ARPP21: variants seen among roughly 807,000 people sequenced by gnomAD.
ARPP21 encodes cAMP regulated phosphoprotein 21.
A neutral mutation model predicts 113.2 loss-of-function variants in ARPP21; 69 were observed. The ratio of observed to expected loss-of-function variants is 0.61; its 90% CI spans 0.50 to 0.74. The LOEUF (loss-of-function observed/expected upper bound fraction) is 0.74, where lower values mean the gene tolerates loss of function less well. Ranked by LOEUF, ARPP21 falls within the 30% of genes least tolerant of loss-of-function variation. The probability of loss-of-function intolerance (pLI) is 0.00; values close to 1 mark genes in which losing one functional copy is unlikely to be tolerated. For missense variants in ARPP21, 1,070 were observed against 1,037.4 expected (o/e 1.03, Z -0.43); for synonymous variants, 368 against 375.5 (o/e 0.98, Z 0.23).
chr3:35,683,699 C>T, intron 4 of ARPP21, 27 bp from the exon 5 acceptor site: 1 of 860,414 alleles, frequency 1.2e-6, no homozygotes, highest in African/African-American at 1.6e-5. Context: ...ATTTTCCTTT[C>T]CTTCCCTTTT....
chr3:35,683,388 T>C (rs1277755661), intron 4 of ARPP21, among the ~76,000 whole-genome samples: 1 of 151,810 alleles, frequency 6.6e-6, no homozygotes, highest in Non-Finnish European at 1.5e-5. Context: ...GCAAACTTAG[T>C]TTTAGTAAAA....
intron 14 of ARPP21, among the ~76,000 whole-genome samples, chr3:35,722,282 C>T (rs1447563078): frequency 2.0e-5 from 3 of 152,168 alleles, no homozygotes; most frequent in Non-Finnish European, 4.4e-5. Flanking sequence ...TCCTTAAAAA[C>T]ACGCCGTAGG....
At chr3:35,732,889 T>A (rs1231268185) in intron 15 of ARPP21, among the ~76,000 whole-genome samples, 2 of 152,188 alleles carry the variant, frequency 1.3e-5, no homozygotes, top group East Asian at 1.9e-4. Flanking sequence ...ACTTTTTTTT[T>A]ATTAAATGAA....
chr3:35,747,912 A>G (rs1252142498), intron 19 of ARPP21, among the ~76,000 whole-genome samples: 1 of 150,764 alleles, frequency 6.6e-6, no homozygotes, highest in Non-Finnish European at 1.5e-5. Context: ...GCCCTGTGAA[A>G]AAAGAAAAAG....
intron 19 of ARPP21, among the ~76,000 whole-genome samples, chr3:35,764,223 T>A (rs1285519684): frequency 1.3e-5 from 2 of 152,162 alleles, no homozygotes; most frequent in Non-Finnish European, 2.9e-5. Flanking sequence ...TAACATTTAA[T>A]TTTAACCTCT....
chr3:35,725,893 C>T (rs910018324), intron 14 of ARPP21, among the ~76,000 whole-genome samples: 2 of 152,166 alleles, frequency 1.3e-5, no homozygotes, highest in African/African-American at 4.8e-5. Context: ...TTGGCACAGG[C>T]TTGGTCAGGG....
chr3:35,700,354 T>C (rs943019338), intron 9 of ARPP21, among the ~76,000 whole-genome samples: 4 of 151,740 alleles, frequency 2.6e-5, no homozygotes, highest in Non-Finnish European at 5.9e-5. Flanking sequence ...ATTTCAAATA[T>C]AGTATGCTAG....
intron 15 of ARPP21, among the ~76,000 whole-genome samples, chr3:35,730,038 TG>T (rs2093835241): frequency 6.6e-6 from 1 of 152,212 alleles, no homozygotes; most frequent in African/African-American, 2.4e-5. Flanking sequence ...CCAGCTCCTA[TG>T]AAAGGAATAA....
chr3:35,673,471 G>T (rs1329895972), intron 1 of ARPP21, among the ~76,000 whole-genome samples: 4 of 151,918 alleles, frequency 2.6e-5, no homozygotes, highest in Non-Finnish European at 5.9e-5. Context: ...TAAAAGGTTT[G>T]GGAGTGATGA....
At chr3:35,761,186 C>T (rs540120109) in intron 19 of ARPP21, among the ~76,000 whole-genome samples, 8 of 152,046 alleles carry the variant, frequency 5.3e-5, no homozygotes, top group Non-Finnish European at 1.0e-4. Flanking sequence ...GGCAAATTTT[C>T]TTCCACGTTT....
At chr3:35,783,089 T>C (rs2096559643) in intron 19 of ARPP21, among the ~76,000 whole-genome samples, 1 of 152,172 alleles carries the variant, frequency 6.6e-6, no homozygotes, top group African/African-American at 2.4e-5. Context: ...CATTCTCTTC[T>C]GGTTCTTCTC....
At chr3:35,683,075 G>C (rs536544928) in intron 4 of ARPP21, among the ~76,000 whole-genome samples, 186 bp downstream of exon 4, 1 of 151,794 alleles carries the variant, frequency 6.6e-6, no homozygotes, top group East Asian at 2.0e-4. Context: ...TTATGGCACT[G>C]CATATTTTTT....
chr3:35,733,023 T>C (rs1045112991), intron 15 of ARPP21, among the ~76,000 whole-genome samples: 5 of 152,072 alleles, frequency 3.3e-5, no homozygotes, highest in African/African-American at 1.2e-4. Flanking sequence ...GAAAAGAAAA[T>C]CTCTTTCTCT....
chr3:35,707,453 T>C (rs560281857), intron 10 of ARPP21: 5 of 475,222 alleles, frequency 1.1e-5, no homozygotes, highest in Admixed American at 2.3e-5. Context: ...CCCTACAGCT[T>C]TGTCCTTCAG....
At chr3:35,666,158 T>G (rs956696034) in intron 1 of ARPP21, among the ~76,000 whole-genome samples, 2 of 152,168 alleles carry the variant, frequency 1.3e-5, no homozygotes, top group African/African-American at 4.8e-5. Context: ...ATGTTGTCAC[T>G]TATACACCCT....
At chr3:35,676,103 T>C (rs1043169438) in intron 1 of ARPP21, among the ~76,000 whole-genome samples, 1 of 152,092 alleles carries the variant, frequency 6.6e-6, no homozygotes, top group East Asian at 1.9e-4. Context: ...TGTCACAATG[T>C]AGAACATTCT....
At chr3:35,646,422 T>A (rs1559504471) in intron 1 of ARPP21, among the ~76,000 whole-genome samples, 1 of 152,098 alleles carries the variant, frequency 6.6e-6, no homozygotes, top group African/African-American at 2.4e-5. Context: ...TTTGATTTAA[T>A]CATCAAAGAG....
At chr3:35,740,494 T>C (rs1003079608) in intron 18 of ARPP21, among the ~76,000 whole-genome samples, 1 of 152,200 alleles carries the variant, frequency 6.6e-6, no homozygotes, top group African/African-American at 2.4e-5. Context: ...CAAGAAATAA[T>C]TGTCACTAAA....
At chr3:35,683,890 T>C in intron 5 of ARPP21, 75 bp downstream of exon 5, 1 of 979,122 alleles carries the variant, frequency 1.0e-6, no homozygotes, top group Non-Finnish European at 1.6e-6. Flanking sequence ...AATTTGGTGT[T>C]AAACAGTGTT....
Sources: gnomAD v4.1 joint callset for allele counts (sites outside exome capture counted in the v4.1 genomes callset) on GRCh38, gnomAD v4.1.1 for gene constraint, MANE v1.5 for transcripts, NCBI Gene and HGNC (gene_info 2026-07-23, HGNC 2026-07-21) for gene names.